The following FAM20C variants were observed in gnomAD, a reference collection of about 807,000 sequenced individuals.
The protein encoded by FAM20C is extracellular serine/threonine protein kinase FAM20C.
A neutral mutation model predicts 51.5 loss-of-function variants in FAM20C; 40 were observed. The observed-to-expected ratio is 0.78, with a 90% CI of 0.60 to 1.01. FAM20C has a LOEUF of 1.01. Ranked by LOEUF, FAM20C falls within the 50% of genes least tolerant of loss-of-function variation. The pLI is 0.00. For synonymous variants in FAM20C, 406 were observed against 380.6 expected (o/e 1.07, Z -0.78); for missense variants, 861 against 844.7 (o/e 1.02, Z -0.24).
chr7:206,093 G>A (rs149040771), intron 2 of FAM20C, among the ~76,000 whole-genome samples: 331 of 152,192 alleles, frequency 2.2e-3, no homozygotes, highest in Non-Finnish European at 3.2e-3. Context: ...TCCCTGGAGC[G>A]TCTCCGTCAT....
chr7:231,864 C>G (rs1338561848), intron 3 of FAM20C, among the ~76,000 whole-genome samples: 1 of 152,150 alleles, frequency 6.6e-6, no homozygotes, highest in Non-Finnish European at 1.5e-5. Flanking sequence ...CTTTGGGCCT[C>G]AGTTTCCCAT....
chr7:217,733 A>G (rs1787066382), intron 3 of FAM20C, among the ~76,000 whole-genome samples: 1 of 152,152 alleles, frequency 6.6e-6, no homozygotes, highest in Admixed American at 6.5e-5. Flanking sequence ...TGCAATATTA[A>G]TAAGAAAGAC....
In FAM20C at chr7:193,162, G is replaced by T; in HGVS notation, c.-38G>T. The T allele has an allele frequency of 7.0e-7, 1 of 1,426,488 alleles. No individual in the cohort carries two copies. Among genetic ancestry groups the T allele is most frequent in the Non-Finnish European group, 9.2e-7 (1 of 1,082,320 alleles). 88.4% of individuals were successfully genotyped at this position (1,426,488 alleles called of 1,614,324 possible). A position where few individuals can be genotyped will look rare whatever the true frequency, so the allele number is the denominator to read the frequency against. ...CAGCTGCAGCTAGAGGGGCGCGCGG[G>T]CAGAACGCGCTCCAGGCCCGGGCCG... On this transcript the variant is annotated 5_prime_UTR_variant, in exon 1 of 10. Transcript: ENST00000313766.
chr7:203,453 C>T (rs959032540), intron 2 of FAM20C, among the ~76,000 whole-genome samples: 10 of 152,192 alleles, frequency 6.6e-5, no homozygotes, highest in African/African-American at 1.7e-4. Flanking sequence ...AGGGGTGACC[C>T]GATCAGTGAC....
chr7:256,805 T>C (rs1001252051), intron 7 of FAM20C, 42 bp downstream of exon 7: 1 of 1,515,264 alleles, frequency 6.6e-7, no homozygotes, highest in Non-Finnish European at 8.9e-7. Flanking sequence ...TCACTCGCCT[T>C]GCGTGGAGCG....
At chr7:212,867 G>A (rs751154643) in intron 3 of FAM20C, among the ~76,000 whole-genome samples, 9 of 152,088 alleles carry the variant, frequency 5.9e-5, no homozygotes, top group African/African-American at 9.7e-5. Context: ...GGGGGCTTTC[G>A]GCTCAGAACT....
intron 3 of FAM20C, among the ~76,000 whole-genome samples, chr7:232,724 G>C (rs1787737490): frequency 6.6e-6 from 1 of 152,272 alleles, no homozygotes; most frequent in South Asian, 2.1e-4. Context: ...AGCAGTTGGA[G>C]GGGCCAGCTC....
At chr7:245,173 C>T (rs1788101985) in intron 3 of FAM20C, among the ~76,000 whole-genome samples, 1 of 152,240 alleles carries the variant, frequency 6.6e-6, no homozygotes, top group African/African-American at 2.4e-5. Context: ...AAGCCGAGGG[C>T]TGGGAAAGTG....
At chr7:255,827 C>T in intron 5 of FAM20C, 22 bp from the exon 6 acceptor site, 1 of 1,536,110 alleles carries the variant, frequency 6.5e-7, no homozygotes, top group Non-Finnish European at 8.7e-7. Flanking sequence ...GCCCTGGTAA[C>T]CCGCAGCCTG....
At chr7:205,900 C>G (rs556905119) in intron 2 of FAM20C, among the ~76,000 whole-genome samples, 7 of 152,238 alleles carry the variant, frequency 4.6e-5, no homozygotes, top group Admixed American at 3.9e-4. Flanking sequence ...CCTGAGACCT[C>G]GGTTCCTCTG....
intron 3 of FAM20C, among the ~76,000 whole-genome samples, chr7:245,253 T>C (rs952426425): frequency 1.2e-4 from 18 of 152,242 alleles, no homozygotes; most frequent in Admixed American, 1.0e-3. Flanking sequence ...CTGCCCTGAG[T>C]GGGAGGTGTG....
At chr7:208,459 TCCC>T in intron 2 of FAM20C, among the ~76,000 whole-genome samples, 1 of 142,112 alleles carries the variant, frequency 7.0e-6, no homozygotes, top group Admixed American at 7.3e-5. Context: ...CACCTGGCCG[TCCC>T]TTCTAGGAGT....
chr7:259,681 C>T, intron 9 of FAM20C, 50 bp from the exon 10 acceptor site: 2 of 1,466,822 alleles, frequency 1.4e-6, no homozygotes, highest in Non-Finnish European at 1.8e-6. Flanking sequence ...TTCCCGTGGG[C>T]AGGCATCTCC....
intron 3 of FAM20C, among the ~76,000 whole-genome samples, chr7:209,708 C>T (rs1271834738): frequency 6.6e-6 from 1 of 152,194 alleles, no homozygotes; most frequent in Admixed American, 6.5e-5. Flanking sequence ...CCTGTCAGCT[C>T]ACTAGATCTT....
At chr7:198,460 C>T (rs972134317) in intron 2 of FAM20C, among the ~76,000 whole-genome samples, 5 of 152,154 alleles carry the variant, frequency 3.3e-5, no homozygotes, top group Admixed American at 1.3e-4. Context: ...TCAGGCTGAA[C>T]GTATTTAGGG....
intron 5 of FAM20C, among the ~76,000 whole-genome samples, chr7:249,409 A>G (rs926924207): frequency 2.0e-5 from 3 of 152,372 alleles, no homozygotes; most frequent in Admixed American, 6.5e-5. Flanking sequence ...ACATAAACAC[A>G]TGATTTTCTA....
At chr7:244,324 A>G (rs890843731) in intron 3 of FAM20C, among the ~76,000 whole-genome samples, 3 of 152,198 alleles carry the variant, frequency 2.0e-5, no homozygotes, top group African/African-American at 7.2e-5. Flanking sequence ...CTCAAAGCCA[A>G]TCCTTCCAAG....
chr7:231,579 C>T (rs904664897), intron 3 of FAM20C, among the ~76,000 whole-genome samples: 1 of 152,076 alleles, frequency 6.6e-6, no homozygotes, highest in Non-Finnish European at 1.5e-5. Context: ...AGCAGCTGCA[C>T]TGTGTGGCCT....
intron 2 of FAM20C, among the ~76,000 whole-genome samples, chr7:201,901 G>T (rs62428652): frequency 1.3e-5 from 2 of 152,168 alleles, no homozygotes; most frequent in African/African-American, 4.8e-5. Flanking sequence ...CACTCTGTTC[G>T]TGCATGTTAA....
Sources: gnomAD v4.1 joint callset for allele counts (sites outside exome capture counted in the v4.1 genomes callset) on GRCh38, gnomAD v4.1.1 for gene constraint, MANE v1.5 for transcripts, NCBI Gene and HGNC (gene_info 2026-07-23, HGNC 2026-07-21) for gene names.